The following MAGI1 variants were observed in gnomAD, a reference collection of about 807,000 sequenced individuals.
MAGI1 encodes membrane associated guanylate kinase, WW and PDZ domain containing 1.
In MAGI1, 58 loss-of-function variants were observed where a neutral mutation model predicts 139.9. The observed-to-expected ratio is 0.41, with a 90% CI of 0.34 to 0.52. The LOEUF (loss-of-function observed/expected upper bound fraction) is 0.52. MAGI1 is among the 20% of genes least tolerant of loss of function. The pLI is 0.12. For missense variants in MAGI1, 1,874 were observed against 1,901.6 expected (o/e 0.99, Z 0.27); for synonymous variants, 812 against 737.9 (o/e 1.10, Z -1.63).
At chr3:65,435,501 T>G (rs939222000) in intron 10 of MAGI1, among the ~76,000 whole-genome samples, 2 of 151,660 alleles carry the variant, frequency 1.3e-5, no homozygotes, top group Non-Finnish European at 2.9e-5. Flanking sequence ...GATGGATGGA[T>G]GGAAGATGGA....
chr3:65,571,349 A>C (rs1433325736), intron 2 of MAGI1, among the ~76,000 whole-genome samples: 4 of 152,164 alleles, frequency 2.6e-5, no homozygotes, highest in African/African-American at 9.7e-5. Flanking sequence ...GAAGAAATAA[A>C]TGCTCTTTAA....
chr3:66,035,153 G>T (rs1165423864), intron 1 of MAGI1, among the ~76,000 whole-genome samples: 1 of 152,152 alleles, frequency 6.6e-6, no homozygotes, highest in Non-Finnish European at 1.5e-5. Context: ...CCTGACAAAG[G>T]ACTGTCTTCT....
chr3:65,596,499 A>C (rs1004313931), intron 2 of MAGI1, among the ~76,000 whole-genome samples: 1 of 152,212 alleles, frequency 6.6e-6, no homozygotes, highest in African/African-American at 2.4e-5. Context: ...TCTGGGAAAG[A>C]GAAAAGGGCC....
intron 1 of MAGI1, among the ~76,000 whole-genome samples, chr3:65,915,973 T>C (rs927104743): frequency 6.7e-6 from 1 of 149,380 alleles, no homozygotes; most frequent in Non-Finnish European, 1.5e-5. Context: ...GATACATATA[T>C]AAAATGTGAA....
At chr3:65,508,627 T>C (rs1421552841) in intron 2 of MAGI1, among the ~76,000 whole-genome samples, 1 of 152,176 alleles carries the variant, frequency 6.6e-6, no homozygotes, top group Non-Finnish European at 1.5e-5. Context: ...AATCCAAGAA[T>C]GCAGATTATG....
intron 1 of MAGI1, among the ~76,000 whole-genome samples, chr3:65,834,376 G>A (rs973592328): frequency 6.6e-6 from 1 of 152,200 alleles, no homozygotes; most frequent in African/African-American, 2.4e-5. Flanking sequence ...AATAGCTCAG[G>A]AAGTCCAAGT....
At chr3:65,640,239 G>GTTCTGT (rs2084911845) in intron 1 of MAGI1, among the ~76,000 whole-genome samples, 1 of 151,934 alleles carries the variant, frequency 6.6e-6, no homozygotes. Flanking sequence ...CATCCTACTG[G>GTTCTGT]TTCTGTTTCT....
At chr3:65,610,743 T>TATATACTATATACTATATATATATAA in intron 2 of MAGI1, among the ~76,000 whole-genome samples, 1 of 29,378 alleles carries the variant, frequency 3.4e-5, no homozygotes, top group African/African-American at 9.5e-5. Flanking sequence ...TAGTATATAG[T>TATATACTATATACTATATATATATAA]ATATATACAG....
chr3:65,646,529 TCAACAC>T (rs2085271450), intron 1 of MAGI1, among the ~76,000 whole-genome samples: 2 of 152,048 alleles, frequency 1.3e-5, no homozygotes, highest in African/African-American at 4.8e-5. Flanking sequence ...GTAGAAAAAC[TCAACAC>T]CTTCAAACAA....
At chr3:65,973,633 A>C (rs1024185511) in intron 1 of MAGI1, among the ~76,000 whole-genome samples, 1 of 152,206 alleles carries the variant, frequency 6.6e-6, no homozygotes, top group Non-Finnish European at 1.5e-5. Context: ...TTCACCTTCA[A>C]TTCTTACTGA....
intron 1 of MAGI1, among the ~76,000 whole-genome samples, chr3:66,030,273 A>C (rs1576521978): frequency 6.6e-6 from 1 of 152,198 alleles, no homozygotes; most frequent in Non-Finnish European, 1.5e-5. Flanking sequence ...ATCCATCATC[A>C]GTCACCTAAA....
chr3:66,037,547 G>C (rs991181384), intron 1 of MAGI1, among the ~76,000 whole-genome samples: 1 of 152,092 alleles, frequency 6.6e-6, no homozygotes, highest in Non-Finnish European at 1.5e-5. Context: ...TCTGATGGGG[G>C]AGGTCCAATA....
At chr3:65,876,461 G>T (rs1253266080) in intron 1 of MAGI1, among the ~76,000 whole-genome samples, 1 of 152,028 alleles carries the variant, frequency 6.6e-6, no homozygotes, top group Non-Finnish European at 1.5e-5. Flanking sequence ...AAAAAGTGTG[G>T]GTTTTACGGA....
At chr3:65,773,428 G>A (rs2038116975) in intron 1 of MAGI1, among the ~76,000 whole-genome samples, 1 of 151,998 alleles carries the variant, frequency 6.6e-6, no homozygotes, top group South Asian at 2.1e-4. Context: ...AGCTACTCAG[G>A]TGGCTGAGGC....
At chr3:65,397,250 G>A (rs1011271606) in intron 13 of MAGI1, among the ~76,000 whole-genome samples, 5 of 152,186 alleles carry the variant, frequency 3.3e-5, no homozygotes, top group African/African-American at 7.2e-5. Flanking sequence ...TACATAAAAC[G>A]GAATGATCTA....
chr3:65,793,165 A>C (rs2039902077), intron 1 of MAGI1, among the ~76,000 whole-genome samples: 2 of 152,226 alleles, frequency 1.3e-5, no homozygotes. Context: ...ACAAGGAATC[A>C]AGGTGGAAAT....
rs1026561471 is a variant in MAGI1 at position 65,960,894 on chromosome 3, T to C, written c.313+77102A>G. Among the ~76,000 whole-genome samples, 6 of 152,212 alleles carry C rather than the reference T, an allele frequency of 3.9e-5. No homozygotes were observed. In the South Asian group the frequency reaches 8.3e-4, roughly 21 times the overall value. On this transcript the variant is annotated intron_variant, in intron 1 of 22. Coordinates refer to ENST00000402939, the MANE Select transcript of MAGI1 (RefSeq NM_001033057.2). ...ACCCCAGTTAAATAGATTCCTTCCT[T>C]GTCTATTAAGAAGACATCACTCTTA...
chr3:65,433,227 T>C (rs1281899841), intron 10 of MAGI1, among the ~76,000 whole-genome samples: 1 of 152,170 alleles, frequency 6.6e-6, no homozygotes, highest in Non-Finnish European at 1.5e-5. Flanking sequence ...TATCATGTCT[T>C]TGAGAAGGCT....
chr3:65,977,845 C>T (rs1281309563), intron 1 of MAGI1, among the ~76,000 whole-genome samples: 1 of 152,162 alleles, frequency 6.6e-6, no homozygotes, highest in Non-Finnish European at 1.5e-5. Context: ...CTGCCACGTT[C>T]TTTGCCGCCT....
Sources: allele counts gnomAD v4.1 joint callset (sites outside exome capture counted in the v4.1 genomes callset), GRCh38; gene constraint gnomAD v4.1.1; transcripts MANE v1.5; gene names NCBI Gene and HGNC (gene_info 2026-07-23, HGNC 2026-07-21).